WWOX: variants seen among roughly 807,000 people sequenced by gnomAD.
WWOX encodes WW domain containing oxidoreductase.
Under a neutral mutation model 46.2 loss-of-function variants are expected in WWOX, and 69 were observed. The ratio of observed to expected loss-of-function variants is 1.49; its 90% CI spans 1.23 to 1.82. The LOEUF (loss-of-function observed/expected upper bound fraction) is 1.82, where lower values mean the gene tolerates loss of function less well. Among genes scored for constraint, WWOX ranks in the 40% most tolerant of loss-of-function variants. WWOX has a pLI of 0.00. For synonymous variants in WWOX, 359 were observed against 202.6 expected (o/e 1.77, Z -6.56); for missense variants, 919 against 542.6 (o/e 1.69, Z -6.89).
intron 8 of WWOX, among the ~76,000 whole-genome samples, chr16:78,577,358 A>G (rs2044910671): frequency 6.6e-6 from 1 of 152,208 alleles, no homozygotes; most frequent in Non-Finnish European, 1.5e-5. Flanking sequence ...CTTTCTTCAG[A>G]ACAGAGCTTT....
At chr16:78,781,925 T>C (rs979280151) in intron 8 of WWOX, among the ~76,000 whole-genome samples, 1 of 152,198 alleles carries the variant, frequency 6.6e-6, no homozygotes, top group African/African-American at 2.4e-5. Flanking sequence ...AAAACAACCC[T>C]GTAAAATAAA....
intron 8 of WWOX, among the ~76,000 whole-genome samples, chr16:78,567,182 C>T (rs1218532375): frequency 6.6e-6 from 1 of 152,294 alleles, no homozygotes; most frequent in East Asian, 1.9e-4. Context: ...CCAATTTAAG[C>T]CCCCATCATG....
In WWOX at chr16:78,321,415, TGTGTGTATATATATATATAA is replaced by T. The variant is rs1567499476; in HGVS notation, c.517-65444_517-65425del. On this transcript the variant is annotated intron_variant, in intron 5 of 8. Coordinates refer to ENST00000566780, the MANE Select transcript of WWOX (RefSeq NM_016373.4). Reference sequence around the variant, plus strand: ...ATACGTATATATACGTATATATATATGTGTGTATATATATATATAAAAATATATTTAAATAATGTTAAGGC... The same window carrying T: ...ATACGTATATATACGTATATATATATAAATATATTTAAATAATGTTAAGGC... 5.8e-5 allele frequency among the ~76,000 whole-genome samples: 8 copies of T among 137,284 alleles called. 1 individual carries two copies. The highest frequency in any genetic ancestry group is 2.3e-4 in the South Asian group (1 of 4,350). 90.1% of individuals were successfully genotyped at this position (137,284 alleles called of 152,430 possible). A position where few individuals can be genotyped will look rare whatever the true frequency, so the allele number is the denominator to read the frequency against.
intron 8 of WWOX, among the ~76,000 whole-genome samples, chr16:79,051,694 GGGT>G (rs1368622914): frequency 1.3e-5 from 2 of 152,188 alleles, no homozygotes; most frequent in Admixed American, 6.5e-5. Context: ...TTCTCTACAA[GGGT>G]GTAAAAAGTA....
Position 78,426,399 on chromosome 16 carries a change from C to T in WWOX, c.791+1344C>T, listed in dbSNP as rs548378416. On this transcript the variant is annotated intron_variant, in intron 7 of 8. Transcript: ENST00000566780. ...TGTCGAATTGTCAGCTGCTCACTCTCCTTGTAAATCTGTATCTCAAATGGT... is the reference window on the plus strand; with the variant it reads ...TGTCGAATTGTCAGCTGCTCACTCTTCTTGTAAATCTGTATCTCAAATGGT... Among the ~76,000 whole-genome samples, 14 of 152,268 alleles carry T rather than the reference C, an allele frequency of 9.2e-5. No homozygotes were observed. In the South Asian group the frequency reaches 2.3e-3, roughly 25 times the overall value.
intron 8 of WWOX, among the ~76,000 whole-genome samples, chr16:78,490,950 C>A (rs191264961): frequency 6.6e-6 from 1 of 152,130 alleles, no homozygotes; most frequent in African/African-American, 2.4e-5. Flanking sequence ...ACGGGCAACT[C>A]GGCTTGGCTC....
intron 8 of WWOX, among the ~76,000 whole-genome samples, chr16:78,766,893 C>G (rs1226553907): frequency 6.6e-6 from 1 of 152,144 alleles, no homozygotes; most frequent in Admixed American, 6.5e-5. Context: ...TTACCTATAC[C>G]TAAAATATTT....
chr16:78,973,287 C>T (rs1285641777), intron 8 of WWOX, among the ~76,000 whole-genome samples: 1 of 152,140 alleles, frequency 6.6e-6, no homozygotes, highest in Non-Finnish European at 1.5e-5. Flanking sequence ...TCCGGGCTGT[C>T]ATCCTGGCGT....
chr16:79,109,416 G>A (rs911832258), intron 8 of WWOX, among the ~76,000 whole-genome samples: 2 of 152,160 alleles, frequency 1.3e-5, no homozygotes, highest in African/African-American at 4.8e-5. Flanking sequence ...GCGGTGATAG[G>A]TTTTATGGCT....
At chr16:78,581,157 A>G (rs563702931) in intron 8 of WWOX, among the ~76,000 whole-genome samples, 1 of 152,282 alleles carries the variant, frequency 6.6e-6, no homozygotes, top group East Asian at 1.9e-4. Context: ...CCGTATAACA[A>G]GTGTTTTAAA....
intron 8 of WWOX, among the ~76,000 whole-genome samples, chr16:78,549,513 C>G (rs77629632): frequency 0.011 from 1,638 of 152,250 alleles, 13 homozygotes; most frequent in East Asian, 0.034. Flanking sequence ...ATCATGCTAT[C>G]TCGACTTCTG....
At chr16:79,105,065 G>A (rs150368787) in intron 8 of WWOX, among the ~76,000 whole-genome samples, 64 of 152,254 alleles carry the variant, frequency 4.2e-4, no homozygotes, top group African/African-American at 1.3e-3. Flanking sequence ...TGGAAAATGT[G>A]ATATGACAGA....
chr16:78,803,537 T>C (rs2050950649), intron 8 of WWOX, among the ~76,000 whole-genome samples: 1 of 152,122 alleles, frequency 6.6e-6, no homozygotes, highest in Non-Finnish European at 1.5e-5. Context: ...GCATTGACCT[T>C]GTGGGCTCAA....
chr16:78,863,992 C>G (rs544136590), intron 8 of WWOX, among the ~76,000 whole-genome samples: 1 of 152,250 alleles, frequency 6.6e-6, no homozygotes, highest in East Asian at 1.9e-4. Flanking sequence ...TTTCTCCTTT[C>G]ATCTGTTGAT....
rs57956003 is a variant in WWOX at position 78,457,909 on chromosome 16, C to CAAAAAAAAAA, written c.1056+25167_1056+25176dup. On this transcript the variant is annotated intron_variant, in intron 8 of 8. Transcript: ENST00000566780. ...CCAGCCTGAGCGTGAGACTCTGACTCAAAAAAAAAAAAAAAAAAATTAGCT... is the reference window on the plus strand; with the variant it reads ...CCAGCCTGAGCGTGAGACTCTGACTCAAAAAAAAAAAAAAAAAAAAAAAAAAAAATTAGCT... Among the ~76,000 whole-genome samples, 53 of 86,980 alleles carry CAAAAAAAAAA rather than the reference C, an allele frequency of 6.1e-4. 1 individual carries two copies. The highest frequency in any genetic ancestry group is 2.8e-3 in the African/African-American group (49 of 17,308). The allele number at this position is 86,980 out of a possible 152,430, so 57.1% of individuals were successfully genotyped here. A position where few individuals can be genotyped will look rare whatever the true frequency, so the allele number is the denominator to read the frequency against.
chr16:78,104,839 G>A (rs748203759), intron 1 of WWOX, among the ~76,000 whole-genome samples: 17 of 152,026 alleles, frequency 1.1e-4, no homozygotes, highest in Non-Finnish European at 1.8e-4. Flanking sequence ...TAACTCACTC[G>A]GTTCTCTATA....
chr16:78,611,863 G>T (rs770654339), intron 8 of WWOX, among the ~76,000 whole-genome samples: 20 of 152,250 alleles, frequency 1.3e-4, no homozygotes, highest in African/African-American at 4.6e-4. Context: ...TACTTTGGAA[G>T]GGGCGTGGCA....
intron 5 of WWOX, among the ~76,000 whole-genome samples, chr16:78,227,598 C>T (rs183246937): frequency 5.3e-5 from 8 of 152,256 alleles, no homozygotes; most frequent in Non-Finnish European, 8.8e-5. Context: ...ATACAAGGGC[C>T]GGATGCGGTG....
intron 8 of WWOX, among the ~76,000 whole-genome samples, chr16:78,888,733 A>T (rs117747181): frequency 0.012 from 1,794 of 152,316 alleles, 26 homozygotes; most frequent in Middle Eastern, 0.024. Context: ...TAGACAACGA[A>T]ATACATTCCC....
Sources: allele counts gnomAD v4.1 joint callset (sites outside exome capture counted in the v4.1 genomes callset), GRCh38; gene constraint gnomAD v4.1.1; transcripts MANE v1.5; gene names NCBI Gene and HGNC (gene_info 2026-07-23, HGNC 2026-07-21).